Variants in MEF2C observed in about 807,000 individuals in gnomAD.
MEF2C encodes the protein myocyte-specific enhancer factor 2C.
In MEF2C, 6 loss-of-function variants were observed where a neutral mutation model predicts 50.5. The observed-to-expected ratio is 0.12, with a 90% CI of 0.07 to 0.23. The LOEUF is 0.23. Ranked by LOEUF, MEF2C falls within the 10% of genes least tolerant of loss-of-function variation. The probability of loss-of-function intolerance (pLI) is 1.00; values close to 1 mark genes in which losing one functional copy is unlikely to be tolerated. For missense variants in MEF2C, 276 were observed against 605.0 expected (o/e 0.46, Z 5.70); for synonymous variants, 183 against 228.0 (o/e 0.80, Z 1.78).
At chr5:88,784,598 G>A (rs1457062332) in intron 3 of MEF2C, among the ~76,000 whole-genome samples, 1 of 152,098 alleles carries the variant, frequency 6.6e-6, no homozygotes, top group Non-Finnish European at 1.5e-5. Flanking sequence ...TATTTCAGCA[G>A]TTAAAAAGAA....
At chr5:88,778,932 T>C (rs1786287161) in intron 3 of MEF2C, among the ~76,000 whole-genome samples, 1 of 152,162 alleles carries the variant, frequency 6.6e-6, no homozygotes, top group African/African-American at 2.4e-5. Flanking sequence ...GCGGAGAAAA[T>C]GCCACCCACA....
intron 1 of MEF2C, among the ~76,000 whole-genome samples, chr5:88,881,635 T>C (rs1471367391): frequency 6.6e-6 from 1 of 152,044 alleles, no homozygotes; most frequent in Non-Finnish European, 1.5e-5. Context: ...CTACCAAGTC[T>C]CTAGGGATTG....
chr5:88,766,173 C>T (rs959047888), intron 3 of MEF2C, among the ~76,000 whole-genome samples: 9 of 152,114 alleles, frequency 5.9e-5, no homozygotes, highest in Admixed American at 3.3e-4. Context: ...ACTTGAAATA[C>T]GTACAAACTG....
chr5:88,737,422 G>A lies in MEF2C; in HGVS notation c.638-5521C>T, dbSNP rs1345011300. ...CACATTACCTTAGCTAACTGCAAGT[G>A]GTAGAATTAAACAAGTCAGACATTT... On this transcript the variant is annotated intron_variant, in intron 6 of 10. Coordinates refer to ENST00000504921, the MANE Select transcript of MEF2C (RefSeq NM_002397.5). 5 of 985,178 alleles carry A rather than the reference G, an allele frequency of 5.1e-6. No homozygotes were observed. In the South Asian group the frequency reaches 1.4e-4, roughly 28 times the overall value. 61.0% of individuals were successfully genotyped at this position (985,178 alleles called of 1,614,324 possible).
chr5:88,786,918 G>A (rs973125172), intron 3 of MEF2C, among the ~76,000 whole-genome samples: 1 of 152,142 alleles, frequency 6.6e-6, no homozygotes, highest in South Asian at 2.1e-4. Context: ...ACTGTACTTT[G>A]TCTATATCTT....
At chr5:88,756,265 C>A (rs928103669) in intron 4 of MEF2C, among the ~76,000 whole-genome samples, 1 of 152,084 alleles carries the variant, frequency 6.6e-6, no homozygotes, top group Admixed American at 6.6e-5. Context: ...AAATAGTGAA[C>A]ATTGTACCTA....
intron 1 of MEF2C, among the ~76,000 whole-genome samples, chr5:88,833,002 A>G (rs1813659127): frequency 6.6e-6 from 1 of 152,180 alleles, no homozygotes; most frequent in African/African-American, 2.4e-5. Context: ...TTGATGGGAC[A>G]TGTAATTGTT....
intron 2 of MEF2C, among the ~76,000 whole-genome samples, chr5:88,819,894 T>C (rs1039000972): frequency 6.6e-6 from 1 of 151,968 alleles, no homozygotes; most frequent in Non-Finnish European, 1.5e-5. Context: ...ATATTTGCTA[T>C]GTGGTCCTTT....
intron 10 of MEF2C, among the ~76,000 whole-genome samples, chr5:88,723,812 T>C (rs254779): frequency 0.46 from 70,594 of 152,140 alleles, 18,610 homozygotes; most frequent in East Asian, 0.59. Flanking sequence ...CCAAGAAGGA[T>C]GTAGTGTGAT....
At chr5:88,878,461 G>A (rs550601444) in intron 1 of MEF2C, among the ~76,000 whole-genome samples, 16 of 151,960 alleles carry the variant, frequency 1.1e-4, no homozygotes, top group South Asian at 6.2e-4. Context: ...ACAGGTCTAC[G>A]CTTACCATCC....
intron 6 of MEF2C, chr5:88,742,856 C>A (rs1305538919): frequency 1.0e-6 from 1 of 984,628 alleles, no homozygotes. Flanking sequence ...TAGCTGCATA[C>A]CACATGCTGT....
chr5:88,793,524 G>A (rs1580795004), intron 3 of MEF2C, among the ~76,000 whole-genome samples: 1 of 152,076 alleles, frequency 6.6e-6, no homozygotes, highest in Non-Finnish European at 1.5e-5. Flanking sequence ...ACAAATTTTT[G>A]TTCAATCAAT....
chr5:88,782,616 A>C (rs1788701480), intron 3 of MEF2C, among the ~76,000 whole-genome samples: 1 of 152,258 alleles, frequency 6.6e-6, no homozygotes, highest in South Asian at 2.1e-4. Context: ...GTGCAAACTA[A>C]AATTATATGA....
intron 2 of MEF2C, among the ~76,000 whole-genome samples, chr5:88,821,075 G>T (rs1808104064): frequency 6.6e-6 from 1 of 151,838 alleles, no homozygotes; most frequent in South Asian, 2.1e-4. Context: ...ATAAAATCAA[G>T]AAATCTGTCT....
chr5:88,891,347 T>C (rs1201859014), intron 1 of MEF2C, among the ~76,000 whole-genome samples: 1 of 151,320 alleles, frequency 6.6e-6, no homozygotes. Context: ...TTGATTATGA[T>C]ATAACTAGGA....
intron 1 of MEF2C, among the ~76,000 whole-genome samples, chr5:88,840,982 TACTC>T (rs1817125822): frequency 6.6e-6 from 1 of 152,216 alleles, no homozygotes; most frequent in Non-Finnish European, 1.5e-5. Flanking sequence ...TGTTGCTTAA[TACTC>T]ACGCCCTGAA....
chr5:88,743,134 A>G lies in MEF2C; in HGVS notation c.637+5936T>C, dbSNP rs1288715689. Reference sequence around the variant, plus strand: ...GATTTTTTTCATTTGCTGCTTAATAATATTTTAAAAATAATATAAAAATTA... The same window carrying G: ...GATTTTTTTCATTTGCTGCTTAATAGTATTTTAAAAATAATATAAAAATTA... On this transcript the variant is annotated intron_variant, in intron 6 of 10. Transcript: ENST00000504921. The G allele has an allele frequency of 8.6e-6, 8 of 929,902 alleles. No homozygotes were observed. The African/African-American group carries it at 1.4e-4, about 17-fold the overall frequency. 57.6% of individuals were successfully genotyped at this position (929,902 alleles called of 1,614,324 possible).
chr5:88,821,677 C>T (rs304155), intron 2 of MEF2C, among the ~76,000 whole-genome samples: 3,347 of 151,636 alleles, frequency 0.022, 112 homozygotes, highest in African/African-American at 0.075. Flanking sequence ...TGTTCTCACT[C>T]GTGTGGGAGC....
intron 3 of MEF2C, among the ~76,000 whole-genome samples, chr5:88,801,632 C>T (rs1000819194): frequency 6.6e-6 from 1 of 151,850 alleles, no homozygotes; most frequent in Non-Finnish European, 1.5e-5. Flanking sequence ...GACTACAGGC[C>T]CCCTCCACCA....
Sources: gnomAD v4.1 joint callset for allele counts (sites outside exome capture counted in the v4.1 genomes callset) on GRCh38, gnomAD v4.1.1 for gene constraint, MANE v1.5 for transcripts, NCBI Gene and HGNC (gene_info 2026-07-23, HGNC 2026-07-21) for gene names.